Variants in KCNN2 observed in about 807,000 individuals in gnomAD.
KCNN2 encodes the protein potassium calcium-activated channel subfamily N member 2, also known as small conductance calcium-activated potassium channel protein 2.
A neutral mutation model predicts 55.5 loss-of-function variants in KCNN2; 24 were observed. That is an observed-to-expected ratio of 0.43 (90% CI 0.31 to 0.61). The LOEUF is 0.61. Ranked by LOEUF, KCNN2 falls within the 20% of genes least tolerant of loss-of-function variation. The pLI is 0.08. For synonymous variants in KCNN2, 431 were observed against 336.1 expected, an observed-to-expected ratio of 1.28 and a Z score of -3.09; for missense variants, 754 against 853.6, an observed-to-expected ratio of 0.88 and a Z score of 1.45.
At chr5:114,160,041 G>C (rs1054916684) in intron 1 of KCNN2, among the ~76,000 whole-genome samples, 14 of 152,020 alleles carry the variant, frequency 9.2e-5, no homozygotes, top group African/African-American at 3.4e-4. Context: ...CTTGCCTTCT[G>C]CTAGCTTTTG....
chr5:114,402,219 A>G (rs1758807551), intron 2 of KCNN2, among the ~76,000 whole-genome samples: 3 of 152,216 alleles, frequency 2.0e-5, no homozygotes, highest in African/African-American at 4.8e-5. Context: ...GGAAGCAGGA[A>G]TGACAGGACA....
At chr5:114,412,813 A>G (rs946722407) in intron 3 of KCNN2, among the ~76,000 whole-genome samples, 1 of 152,260 alleles carries the variant, frequency 6.6e-6, no homozygotes, top group African/African-American at 2.4e-5. Context: ...TTGTAAAAGT[A>G]GTCATAAAAT....
At chr5:114,284,421 A>C (rs968147081) in intron 2 of KCNN2, among the ~76,000 whole-genome samples, 3 of 152,190 alleles carry the variant, frequency 2.0e-5, no homozygotes, top group Admixed American at 6.5e-5. Context: ...TCTCTTTCTA[A>C]ATTGTGAGTT....
At chr5:114,338,430 C>T (rs977764182) in intron 2 of KCNN2, among the ~76,000 whole-genome samples, 3 of 152,120 alleles carry the variant, frequency 2.0e-5, no homozygotes, top group African/African-American at 7.2e-5. Flanking sequence ...TTTCAATGTC[C>T]TTTAGTAAGT....
intron 2 of KCNN2, among the ~76,000 whole-genome samples, chr5:114,316,993 G>A (rs890133941): frequency 6.6e-6 from 1 of 152,212 alleles, no homozygotes; most frequent in African/African-American, 2.4e-5. Flanking sequence ...GGCCCTTTGA[G>A]ATCAGCAAGT....
chr5:114,452,700 G>A (rs1022326798), intron 3 of KCNN2, among the ~76,000 whole-genome samples: 2 of 152,140 alleles, frequency 1.3e-5, no homozygotes, highest in African/African-American at 2.4e-5. Context: ...GCTTTGCACA[G>A]GATTCCTTTT....
chr5:114,328,532 G>A (rs1756751479), intron 2 of KCNN2, among the ~76,000 whole-genome samples: 1 of 152,120 alleles, frequency 6.6e-6, no homozygotes, highest in East Asian at 1.9e-4. Context: ...CAGTACACAT[G>A]TGAGTGCAAC....
intron 2 of KCNN2, among the ~76,000 whole-genome samples, chr5:114,285,223 G>T (rs1755715423): frequency 7.0e-6 from 1 of 142,598 alleles, no homozygotes; most frequent in African/African-American, 2.6e-5. Context: ...GACAGAGCTT[G>T]CAGTGAGCTG....
chr5:114,071,710 G>A (rs1366658629), intron 1 of KCNN2, among the ~76,000 whole-genome samples: 2 of 152,184 alleles, frequency 1.3e-5, no homozygotes, highest in Non-Finnish European at 2.9e-5. Flanking sequence ...AATAGGGGGT[G>A]ATATTTACAT....
intron 1 of KCNN2, among the ~76,000 whole-genome samples, chr5:114,186,365 G>A (rs1354956332): frequency 6.6e-6 from 1 of 152,176 alleles, no homozygotes; most frequent in South Asian, 2.1e-4. Flanking sequence ...ATAAAAAGCT[G>A]GGAAAAGGTC....
intron 3 of KCNN2, among the ~76,000 whole-genome samples, chr5:114,440,830 CAAACAG>C (rs1397190588): frequency 1.1e-5 from 1 of 94,192 alleles, no homozygotes. Flanking sequence ...GAGCATATAA[CAAACAG>C]GGAATTATTA....
At chr5:114,373,442 T>A (rs1228757058) in intron 2 of KCNN2, among the ~76,000 whole-genome samples, 3 of 151,200 alleles carry the variant, frequency 2.0e-5, no homozygotes, top group African/African-American at 7.3e-5. Context: ...ACTTTCCTGC[T>A]GAGCAGAGCA....
intron 5 of KCNN2, 122 bp from the exon 6 acceptor site, chr5:114,486,928 C>T (rs1747579260): frequency 1.8e-5 from 23 of 1,276,308 alleles, no homozygotes; most frequent in Non-Finnish European, 2.6e-5. Flanking sequence ...TATTTGGAGT[C>T]ATGGTTACTA....
At chr5:114,449,898 ACAC>A (rs1760583028) in intron 3 of KCNN2, among the ~76,000 whole-genome samples, 1 of 93,622 alleles carries the variant, frequency 1.1e-5, no homozygotes, top group African/African-American at 3.1e-5. Flanking sequence ...ACACACACAC[ACAC>A]ACACACACGC....
intron 2 of KCNN2, among the ~76,000 whole-genome samples, chr5:114,395,116 G>T (rs894548045): frequency 6.6e-6 from 1 of 152,168 alleles, no homozygotes; most frequent in Non-Finnish European, 1.5e-5. Flanking sequence ...ACCTTGCAGA[G>T]GAAAAGCACA....
chr5:114,174,059 C>T (rs1049449184), intron 1 of KCNN2, among the ~76,000 whole-genome samples: 2 of 151,970 alleles, frequency 1.3e-5, no homozygotes, highest in Non-Finnish European at 2.9e-5. Context: ...GAGTATGTTT[C>T]CCCCAAAGTA....
chr5:114,492,407 T>C (rs1318744939), intron 6 of KCNN2, among the ~76,000 whole-genome samples: 1 of 152,200 alleles, frequency 6.6e-6, no homozygotes, highest in Non-Finnish European at 1.5e-5. Flanking sequence ...ACTTTTTGTT[T>C]GTTTTCATTA....
chr5:114,353,894 G>A (rs1757254453), intron 2 of KCNN2, among the ~76,000 whole-genome samples: 1 of 151,758 alleles, frequency 6.6e-6, no homozygotes, highest in African/African-American at 2.4e-5. Context: ...TGCTGTTTCT[G>A]GGTATGGATT....
At chr5:114,285,903 T>C (rs537483540) in intron 2 of KCNN2, among the ~76,000 whole-genome samples, 1 of 141,202 alleles carries the variant, frequency 7.1e-6, no homozygotes, top group African/African-American at 2.6e-5. Flanking sequence ...CTGAGGCACC[T>C]ACAATTTGGG....
Sources: allele counts gnomAD v4.1 joint callset (sites outside exome capture counted in the v4.1 genomes callset), GRCh38; gene constraint gnomAD v4.1.1; transcripts MANE v1.5; gene names NCBI Gene and HGNC (gene_info 2026-07-23, HGNC 2026-07-21).